COL25A1: variants seen among roughly 807,000 people sequenced by gnomAD.
COL25A1 encodes the protein collagen alpha-1(XXV) chain.
Under a neutral mutation model 128.4 loss-of-function variants are expected in COL25A1, and 103 were observed. That is an observed-to-expected ratio of 0.80 (90% CI 0.68 to 0.94). The LOEUF (loss-of-function observed/expected upper bound fraction) is 0.94, where lower values mean the gene tolerates loss of function less well. Ranked by LOEUF, COL25A1 falls within the 40% of genes least tolerant of loss-of-function variation. The probability of loss-of-function intolerance (pLI) is 0.00; values close to 1 mark genes in which losing one functional copy is unlikely to be tolerated. For missense variants in COL25A1, 745 were observed against 840.0 expected, an observed-to-expected ratio of 0.89 and a Z score of 1.40; for synonymous variants, 279 against 277.2, an observed-to-expected ratio of 1.01 and a Z score of -0.06.
At chr4:109,187,263 C>A (rs1775231735) in intron 3 of COL25A1, among the ~76,000 whole-genome samples, 1 of 151,132 alleles carries the variant, frequency 6.6e-6, no homozygotes, top group African/African-American at 2.4e-5. Flanking sequence ...TCAAAGACTT[C>A]TCCAGGTTTC....
At chr4:108,886,492 G>GTGTGTGTGTGTGTGTGTTTT (rs58157157) in intron 18 of COL25A1, among the ~76,000 whole-genome samples, 6 of 109,248 alleles carry the variant, frequency 5.5e-5, no homozygotes, top group Non-Finnish European at 1.1e-4. Context: ...GTGTGTGTGT[G>GTGTGTGTGTGTGTGTGTTTT]TTTAGCTCAT....
At chr4:108,874,047 C>A (rs935911) in intron 19 of COL25A1, among the ~76,000 whole-genome samples, 82,857 of 152,006 alleles carry the variant, frequency 0.55, 23,846 homozygotes, top group East Asian at 1. Flanking sequence ...GTAATAAAAA[C>A]ATAAGCAAAT....
intron 5 of COL25A1, among the ~76,000 whole-genome samples, chr4:109,032,034 G>C (rs1323209914): frequency 7.9e-5 from 12 of 152,112 alleles, no homozygotes; most frequent in Admixed American, 7.9e-4. Context: ...TCCTTGAACA[G>C]CTAACACTTA....
At chr4:108,988,001 C>G (rs1422782835) in intron 6 of COL25A1, among the ~76,000 whole-genome samples, 2 of 152,040 alleles carry the variant, frequency 1.3e-5, no homozygotes, top group African/African-American at 4.8e-5. Flanking sequence ...AATAACATAC[C>G]AGGGCCCTTG....
At chr4:108,928,685 C>T (rs937413125) in intron 11 of COL25A1, among the ~76,000 whole-genome samples, 3 of 151,900 alleles carry the variant, frequency 2.0e-5, no homozygotes, top group Admixed American at 6.6e-5. Context: ...TGGGACTACA[C>T]GCATGAGCCA....
chr4:108,924,704 T>C (rs1011293056), intron 11 of COL25A1, among the ~76,000 whole-genome samples: 5 of 152,224 alleles, frequency 3.3e-5, no homozygotes, highest in African/African-American at 1.2e-4. Flanking sequence ...CTGCGTGAGC[T>C]TCCCCTAATG....
intron 3 of COL25A1, among the ~76,000 whole-genome samples, chr4:109,287,157 A>C (rs1723968569): frequency 1.3e-5 from 2 of 152,210 alleles, no homozygotes; most frequent in South Asian, 4.1e-4. Context: ...TTATCATTGT[A>C]GTTTTAAGTC....
At chr4:109,006,402 TTTTTTTTTG>T in intron 6 of COL25A1, among the ~76,000 whole-genome samples, 2 of 139,862 alleles carry the variant, frequency 1.4e-5, no homozygotes, top group African/African-American at 5.4e-5. Context: ...TTTTTTTTTT[TTTTTTTTTG>T]GTATTTTTAG....
intron 3 of COL25A1, among the ~76,000 whole-genome samples, chr4:109,133,918 T>C (rs1400812932): frequency 1.3e-5 from 2 of 152,196 alleles, no homozygotes; most frequent in African/African-American, 4.8e-5. Context: ...ATGGCAAGTA[T>C]ACTGATTGAG....
intron 13 of COL25A1, among the ~76,000 whole-genome samples, chr4:108,906,130 T>C (rs889257125): frequency 2.6e-5 from 4 of 152,120 alleles, no homozygotes; most frequent in African/African-American, 9.7e-5. Flanking sequence ...CCCATCTCAT[T>C]CAGAATAAGA....
chr4:108,924,350 AC>A (rs1436319646), intron 11 of COL25A1, among the ~76,000 whole-genome samples: 1 of 152,204 alleles, frequency 6.6e-6, no homozygotes, highest in South Asian at 2.1e-4. Context: ...TATATAGTAT[AC>A]TTGATATTCT....
At chr4:109,043,097 T>C (rs951575778) in intron 5 of COL25A1, among the ~76,000 whole-genome samples, 21 of 140,276 alleles carry the variant, frequency 1.5e-4, no homozygotes, top group African/African-American at 5.8e-4. Flanking sequence ...GGCAAATTAT[T>C]TGACTGGTCC....
chr4:109,067,928 A>C (rs1762591372), intron 3 of COL25A1, among the ~76,000 whole-genome samples: 1 of 152,238 alleles, frequency 6.6e-6, no homozygotes, highest in South Asian at 2.1e-4. Flanking sequence ...TAGTGACTTC[A>C]TTGGGTAATC....
chr4:109,226,116 A>G (rs555311984), intron 3 of COL25A1, among the ~76,000 whole-genome samples: 1 of 152,228 alleles, frequency 6.6e-6, no homozygotes, highest in Middle Eastern at 3.4e-3. Flanking sequence ...TTTTAAGTTA[A>G]ATAAGTCAGA....
intron 33 of COL25A1, 68 bp from the exon 34 acceptor site, chr4:108,825,290 A>C: frequency 7.8e-7 from 1 of 1,281,506 alleles, no homozygotes. Flanking sequence ...GCTTTATTTA[A>C]GGCTGTCTGA....
chr4:109,275,926 T>G (rs1383621972), intron 3 of COL25A1, among the ~76,000 whole-genome samples: 1 of 152,162 alleles, frequency 6.6e-6, no homozygotes, highest in Non-Finnish European at 1.5e-5. Flanking sequence ...ACAACCTCCC[T>G]CCACCACCCT....
At chr4:108,860,773 G>C (rs955501462) in intron 23 of COL25A1, among the ~76,000 whole-genome samples, 154 bp downstream of exon 23, 1 of 152,052 alleles carries the variant, frequency 6.6e-6, no homozygotes. Flanking sequence ...AAATAAAGGA[G>C]GTAGGGGTGT....
chr4:108,823,730 AT>A (rs1732044322), intron 35 of COL25A1: 2 of 256,858 alleles, frequency 7.8e-6, no homozygotes, highest in Admixed American at 1.1e-4. Context: ...CCATTTTCAT[AT>A]AAAAAATATC....
At chr4:109,058,312 G>A (rs1378635193) in intron 3 of COL25A1, among the ~76,000 whole-genome samples, 2 of 152,172 alleles carry the variant, frequency 1.3e-5, no homozygotes, top group Non-Finnish European at 1.5e-5. Flanking sequence ...GGGGCTGCAA[G>A]ATGTCAGAGA....
Sources: allele counts gnomAD v4.1 joint callset (sites outside exome capture counted in the v4.1 genomes callset), GRCh38; gene constraint gnomAD v4.1.1; transcripts MANE v1.5; gene names NCBI Gene and HGNC (gene_info 2026-07-23, HGNC 2026-07-21).